Variants in PFN2 observed in about 807,000 individuals in gnomAD.
PFN2 encodes the protein profilin-2.
PFN2 carries 8 observed loss-of-function variants against 15.3 expected under a neutral mutation model. The observed-to-expected ratio is 0.52, with a 90% CI of 0.31 to 0.95. The LOEUF (loss-of-function observed/expected upper bound fraction) is 0.95, where lower values mean the gene tolerates loss of function less well. Among genes scored for constraint, PFN2 ranks in the 40% least tolerant of loss-of-function variants. PFN2 has a pLI of 0.05. For missense variants in PFN2, 111 were observed against 182.3 expected, an observed-to-expected ratio of 0.61 and a Z score of 2.25; for synonymous variants, 79 against 67.9, an observed-to-expected ratio of 1.16 and a Z score of -0.81.
At position 149,965,922 on chromosome 3, in the gene PFN2, T is replaced by C. The variant is rs1722678025; in HGVS notation, c.*567A>G. 1 of 1,313,694 alleles carries C rather than the reference T, an allele frequency of 7.6e-7. No homozygotes were observed. Among genetic ancestry groups the C allele is most frequent in the Non-Finnish European group, 9.7e-7 (1 of 1,034,314 alleles). The allele number at this position is 1,313,694 out of a possible 1,614,324, so 81.4% of individuals were successfully genotyped here. ...TTGCTAAGACAAAGTGATGCCCAAC[T>C]TGGCATGCCCCCTCCCCCCAATTTC... On this transcript the variant is annotated 3_prime_UTR_variant, in exon 3 of 3. Coordinates refer to ENST00000239940, the MANE Select transcript of PFN2 (RefSeq NM_053024.4).
chr3:149,969,729 C>T (rs1160366961), intron 1 of PFN2, among the ~76,000 whole-genome samples: 1 of 152,118 alleles, frequency 6.6e-6, no homozygotes, highest in Middle Eastern at 3.2e-3. Flanking sequence ...TAGAAACAGC[C>T]TTGGGCAGAA....
Position 149,965,582 on chromosome 3 carries a change from A to G in PFN2, c.*907T>C. ...GGTTTGTCTCTGCTCAAGTGCAACAACAATACTAAAAGCAAACTACTGCAG... is the reference window on the plus strand; with the variant it reads ...GGTTTGTCTCTGCTCAAGTGCAACAGCAATACTAAAAGCAAACTACTGCAG... On this transcript the variant is annotated 3_prime_UTR_variant, in exon 3 of 3. Coordinates refer to ENST00000239940, the MANE Select transcript of PFN2 (RefSeq NM_053024.4). 8.2e-7 allele frequency: 1 copy of G among 1,224,500 alleles called. No homozygotes were observed. Among genetic ancestry groups the G allele is most frequent in the Non-Finnish European group, 1.0e-6 (1 of 981,612 alleles). The allele number at this position is 1,224,500 out of a possible 1,614,324, so 75.9% of individuals were successfully genotyped here. A position where few individuals can be genotyped will look rare whatever the true frequency, so the allele number is the denominator to read the frequency against.
intron 2 of PFN2, among the ~76,000 whole-genome samples, chr3:149,967,186 TAG>T (rs1722716427): frequency 6.6e-6 from 1 of 152,214 alleles, no homozygotes; most frequent in Non-Finnish European, 1.5e-5. Context: ...TCTAAAAAAA[TAG>T]GTTTACGATT....
Position 149,965,564 on chromosome 3 carries a change from C to G in PFN2, c.*925G>C. 1 of 1,258,412 alleles carries G rather than the reference C, an allele frequency of 7.9e-7. No individual in the cohort carries two copies. Among genetic ancestry groups the G allele is most frequent in the South Asian group, 3.1e-5 (1 of 31,896 alleles). The allele number at this position is 1,258,412 out of a possible 1,614,324, so 78.0% of individuals were successfully genotyped here. The stretch of plus-strand genomic sequence containing the variant: ...GTAGACACTATGAATAAAGGTTTGT[C>G]TCTGCTCAAGTGCAACAACAATACT... On this transcript the variant is annotated 3_prime_UTR_variant, in exon 3 of 3. Transcript: ENST00000239940.
Position 149,965,940 on chromosome 3 carries a change from C to G in PFN2, c.*549G>C, listed in dbSNP as rs933479436. 1.5e-6 allele frequency: 2 copies of G among 1,325,998 alleles called. No homozygotes were observed. The highest frequency in any genetic ancestry group is 3.0e-5 in the African/African-American group (2 of 66,880). The allele number at this position is 1,325,998 out of a possible 1,614,324, so 82.1% of individuals were successfully genotyped here. On this transcript the variant is annotated 3_prime_UTR_variant, in exon 3 of 3. Coordinates refer to ENST00000239940, the MANE Select transcript of PFN2 (RefSeq NM_053024.4). The stretch of plus-strand genomic sequence containing the variant: ...GCCCAACTTGGCATGCCCCCTCCCC[C>G]CAATTTCAAGGTATCATGCAAATCA...
chr3:149,970,521 C>G (rs976814710), intron 1 of PFN2: 3 of 395,180 alleles, frequency 7.6e-6, no homozygotes, highest in African/African-American at 6.3e-5. Flanking sequence ...CCGCCGCCCC[C>G]AGCCTGTCAG....
chr3:149,965,343 G>T lies in PFN2; in HGVS notation c.*1146C>A, dbSNP rs751391112. The stretch of plus-strand genomic sequence containing the variant: ...GACACACTCCAGATGGTTATGTTGG[G>T]ATACCTAATGTCCATAATGGCAGCC... On this transcript the variant is annotated 3_prime_UTR_variant, in exon 3 of 3. Transcript: ENST00000239940. 6 of 1,517,490 alleles carry T rather than the reference G, an allele frequency of 4.0e-6. No homozygotes were observed. The highest frequency in any genetic ancestry group is 5.3e-6 in the Non-Finnish European group (6 of 1,141,342). The allele number at this position is 1,517,490 out of a possible 1,614,324, so 94.0% of individuals were successfully genotyped here.
In PFN2 at chr3:149,966,316, G is replaced by T; in HGVS notation, c.*173C>A. ...AAGTGAACAGAATTATTTTGGGGGG[G>T]GAGGGCAGAAAGAAAGACACCTTTC... On this transcript the variant is annotated 3_prime_UTR_variant, in exon 3 of 3. Transcript: ENST00000239940. 2 of 1,604,988 alleles carry T rather than the reference G, an allele frequency of 1.2e-6. No individual in the cohort carries two copies. The highest frequency in any genetic ancestry group is 1.7e-6 in the Non-Finnish European group (2 of 1,176,044).
At chr3:149,968,301 C>A in intron 2 of PFN2, 57 bp downstream of exon 2, 1 of 1,481,644 alleles carries the variant, frequency 6.7e-7, no homozygotes. Flanking sequence ...TTAAAAGAAA[C>A]TGCTTAATAA....
chr3:149,967,158 G>A (rs1722715433), intron 2 of PFN2, among the ~76,000 whole-genome samples: 2 of 152,110 alleles, frequency 1.3e-5, no homozygotes, highest in African/African-American at 4.8e-5. Flanking sequence ...CACCGTAGTA[G>A]CCTTGTTTTT....
rs553267366 is a variant in PFN2, at chr3:149,966,903, T to C, written c.326-317A>G. 4.4e-3 allele frequency among the ~76,000 whole-genome samples: 669 copies of C among 152,150 alleles called. 3 individuals carry two copies. The highest frequency in any genetic ancestry group is 7.4e-3 in the Non-Finnish European group (504 of 68,004). ...TTTAGGGCAAAAAAATTCTGGCTGA[T>C]GTCAAGTACATGTTATTACTTGCCC... On this transcript the variant is annotated intron_variant, in intron 2 of 2. Transcript: ENST00000239940.
Position 149,965,614 on chromosome 3 carries a change from A to G in PFN2, c.*875T>C. ...TAAAAGCAAACTACTGCAGCTCTCA[A>G]TAGCTCATCAACAAAAGGGATTTTA... On this transcript the variant is annotated 3_prime_UTR_variant, in exon 3 of 3. Coordinates refer to ENST00000239940, the MANE Select transcript of PFN2 (RefSeq NM_053024.4). 9.0e-7 allele frequency: 1 copy of G among 1,109,810 alleles called. No homozygotes were observed. Among genetic ancestry groups the G allele is most frequent in the Non-Finnish European group, 1.1e-6 (1 of 909,586 alleles). 68.7% of individuals were successfully genotyped at this position (1,109,810 alleles called of 1,614,324 possible).
Position 149,965,644 on chromosome 3 carries a change from G to GT in PFN2, c.*844dup. ...TCATCAACAAAAGGGATTTTAATTG[G>GT]TTAAAAAAAAACAGGCACTGCATAA... On this transcript the variant is annotated 3_prime_UTR_variant, in exon 3 of 3. Transcript: ENST00000239940. 21 of 984,574 alleles carry GT rather than the reference G, an allele frequency of 2.1e-5. No homozygotes were observed. Among genetic ancestry groups the GT allele is most frequent in the Non-Finnish European group, 2.5e-5 (21 of 838,234 alleles). 61.0% of individuals were successfully genotyped at this position (984,574 alleles called of 1,614,324 possible).
rs1413342117 is a variant in PFN2 at position 149,965,392 on chromosome 3, G to C, written c.*1097C>G. The stretch of plus-strand genomic sequence containing the variant: ...CCTTTTACAATTTTACTAAAGAGTA[G>C]AGCTGGTGTGCAAAGAAAAAGGAAG... On this transcript the variant is annotated 3_prime_UTR_variant, in exon 3 of 3. Coordinates refer to ENST00000239940, the MANE Select transcript of PFN2 (RefSeq NM_053024.4). 6.8e-6 allele frequency: 10 copies of C among 1,464,134 alleles called. No homozygotes were observed. Among genetic ancestry groups the C allele is most frequent in the East Asian group, 2.5e-5 (1 of 40,238 alleles). 90.7% of individuals were successfully genotyped at this position (1,464,134 alleles called of 1,614,324 possible).
In PFN2 at chr3:149,966,078, A is replaced by G; in HGVS notation, c.*411T>C. On this transcript the variant is annotated 3_prime_UTR_variant, in exon 3 of 3. Coordinates refer to ENST00000239940, the MANE Select transcript of PFN2 (RefSeq NM_053024.4). ...TGACATTAGAAAATAGGTAAAGAAA[A>G]ATTAGCTACCATCTACAGTTTGGTA... 2 of 1,531,428 alleles carry G rather than the reference A, an allele frequency of 1.3e-6. No individual in the cohort carries two copies. The highest frequency in any genetic ancestry group is 1.8e-6 in the Non-Finnish European group (2 of 1,142,704). The allele number at this position is 1,531,428 out of a possible 1,614,324, so 94.9% of individuals were successfully genotyped here.
chr3:149,968,873 G>A (rs1722765715), intron 1 of PFN2: 1 of 238,514 alleles, frequency 4.2e-6, no homozygotes, highest in South Asian at 9.4e-5. Context: ...TTTATAAACT[G>A]TATTAAGTCA....
In PFN2 at chr3:149,966,209, TTTC is replaced by T; in HGVS notation, c.*277_*279del. On this transcript the variant is annotated 3_prime_UTR_variant, in exon 3 of 3. Transcript: ENST00000239940. ...TCAGGTATAAAGCGAGTTCATATGC[TTTC>T]TTGTTAAGTGTGCCTCCGTGGACAC... 6.2e-7 allele frequency: 1 copy of T among 1,613,802 alleles called. No individual in the cohort carries two copies. Among genetic ancestry groups the T allele is most frequent in the Non-Finnish European group, 8.5e-7 (1 of 1,179,726 alleles).
chr3:149,970,114 C>T (rs1722808187), intron 1 of PFN2, among the ~76,000 whole-genome samples: 2 of 152,152 alleles, frequency 1.3e-5, no homozygotes, highest in South Asian at 4.1e-4. Flanking sequence ...TCCACCTACG[C>T]GGTCGGCGTA....
chr3:149,968,630 G>A, intron 1 of PFN2, 80 bp from the exon 2 acceptor site: 1 of 1,228,854 alleles, frequency 8.1e-7, no homozygotes, highest in South Asian at 1.4e-5. Context: ...TGATGTAACA[G>A]GAAGGGCTGT....
Sources: allele counts gnomAD v4.1 joint callset (sites outside exome capture counted in the v4.1 genomes callset), GRCh38; gene constraint gnomAD v4.1.1; transcripts MANE v1.5; gene names NCBI Gene and HGNC (gene_info 2026-07-23, HGNC 2026-07-21).